Variants in RNF150 observed in about 807,000 individuals in gnomAD.
RNF150 encodes ring finger protein 150.
RNF150 carries 24 observed loss-of-function variants against 39.3 expected under a neutral mutation model. The ratio of observed to expected loss-of-function variants is 0.61; its 90% CI spans 0.44 to 0.86. The LOEUF (loss-of-function observed/expected upper bound fraction) is 0.86. Ranked by LOEUF, RNF150 falls within the 40% of genes least tolerant of loss-of-function variation. The pLI is 0.00. For missense variants in RNF150, 502 were observed against 587.8 expected (o/e 0.85, Z 1.51); for synonymous variants, 255 against 227.3 (o/e 1.12, Z -1.10).
intron 1 of RNF150, among the ~76,000 whole-genome samples, chr4:141,185,288 G>A (rs750840534): frequency 1.3e-5 from 2 of 152,000 alleles, no homozygotes; most frequent in Non-Finnish European, 2.9e-5. Context: ...TCTCTTTGTA[G>A]CAATTGTGAA....
intron 1 of RNF150, among the ~76,000 whole-genome samples, chr4:140,988,919 T>C (rs984462022): frequency 1.3e-5 from 2 of 152,064 alleles, no homozygotes; most frequent in African/African-American, 4.8e-5. Flanking sequence ...AACCAAACAC[T>C]GCATGTTCTC....
intron 6 of RNF150, 175 bp downstream of exon 6, chr4:140,910,946 ACACAGAGCCAGGTGGGCTGTCTG>A: frequency 5.0e-6 from 3 of 602,830 alleles, no homozygotes; most frequent in Non-Finnish European, 8.8e-6. Flanking sequence ...GAGCATGGGC[ACACAGAGCCAGGTGGGCTGTCTG>A]CCCTGCTGGC....
intron 1 of RNF150, among the ~76,000 whole-genome samples, chr4:140,989,219 G>C (rs1734112588): frequency 1.3e-5 from 2 of 152,068 alleles, no homozygotes. Context: ...ATCCCTGTTG[G>C]AAAATAGGAT....
chr4:141,211,030 A>T (rs1409353601), intron 1 of RNF150, among the ~76,000 whole-genome samples: 2 of 152,200 alleles, frequency 1.3e-5, no homozygotes, highest in Non-Finnish European at 2.9e-5. Flanking sequence ...TGGTAAAAGA[A>T]TCCCAAAGAC....
chr4:141,099,976 A>G (rs1456931760), intron 1 of RNF150, among the ~76,000 whole-genome samples: 2 of 152,160 alleles, frequency 1.3e-5, no homozygotes. Flanking sequence ...AAAGCTGATT[A>G]GGTTTTGATC....
At chr4:141,037,157 T>C (rs1736178634) in intron 1 of RNF150, among the ~76,000 whole-genome samples, 1 of 152,208 alleles carries the variant, frequency 6.6e-6, no homozygotes, top group Non-Finnish European at 1.5e-5. Context: ...GACACAGTAT[T>C]CTGTTTCTTT....
chr4:141,116,707 A>C (rs1325798344), intron 1 of RNF150, among the ~76,000 whole-genome samples: 4 of 152,206 alleles, frequency 2.6e-5, no homozygotes, highest in African/African-American at 9.7e-5. Flanking sequence ...TTATTTCAGC[A>C]CTATTCACAG....
chr4:140,915,999 G>C (rs1281001525), intron 5 of RNF150, among the ~76,000 whole-genome samples: 2 of 152,114 alleles, frequency 1.3e-5, no homozygotes, highest in Non-Finnish European at 2.9e-5. Flanking sequence ...ACCTTAGAAG[G>C]AAAACTAACA....
intron 6 of RNF150, among the ~76,000 whole-genome samples, chr4:140,869,483 C>A (rs994530918): frequency 6.6e-6 from 1 of 152,146 alleles, no homozygotes; most frequent in South Asian, 2.1e-4. Context: ...CGTGTCCCTA[C>A]TGCACACTAA....
At chr4:140,905,510 C>G (rs907718127) in intron 6 of RNF150, among the ~76,000 whole-genome samples, 1 of 152,070 alleles carries the variant, frequency 6.6e-6, no homozygotes, top group Non-Finnish European at 1.5e-5. Flanking sequence ...TAATTCTTGA[C>G]CCCATCACCC....
intron 1 of RNF150, among the ~76,000 whole-genome samples, chr4:140,999,948 G>A (rs1249359982): frequency 3.1e-4 from 12 of 38,434 alleles, no homozygotes; most frequent in Admixed American, 9.1e-4. Context: ...AAAAAAAGAA[G>A]AAGAAGAAGA....
chr4:141,112,512 T>C (rs925878751), intron 1 of RNF150, among the ~76,000 whole-genome samples: 1 of 152,350 alleles, frequency 6.6e-6, no homozygotes, highest in East Asian at 1.9e-4. Flanking sequence ...TAAGAAATTC[T>C]GGGTTGAAAA....
intron 4 of RNF150, among the ~76,000 whole-genome samples, chr4:140,932,211 C>T (rs1156380104): frequency 1.3e-5 from 2 of 152,152 alleles, no homozygotes; most frequent in African/African-American, 2.4e-5. Flanking sequence ...CTATGCATAC[C>T]CGAAATGTTT....
At chr4:141,086,491 G>A (rs1400602045) in intron 1 of RNF150, among the ~76,000 whole-genome samples, 1 of 151,928 alleles carries the variant, frequency 6.6e-6, no homozygotes, top group African/African-American at 2.4e-5. Context: ...AGGCCAGCTT[G>A]CTTTTAATTA....
chr4:140,966,100 C>T (rs112575882), intron 2 of RNF150, among the ~76,000 whole-genome samples: 7,306 of 151,968 alleles, frequency 0.048, 257 homozygotes, highest in African/African-American at 0.093. Context: ...TTTGGGAGGC[C>T]GAGGTGGGAA....
rs557074009 is a variant in RNF150 at position 141,063,041 on chromosome 4, A to T, written c.484+69284T>A. On this transcript the variant is annotated intron_variant, in intron 1 of 6. Transcript: ENST00000515673. ...CTGAGCAGCATCTTTGAACAACATGACATCTAGCCAGTTGATCTTGTTCCT... is the reference window on the plus strand; with the variant it reads ...CTGAGCAGCATCTTTGAACAACATGTCATCTAGCCAGTTGATCTTGTTCCT... 3.9e-5 allele frequency among the ~76,000 whole-genome samples: 6 copies of T among 152,306 alleles called. No individual in the cohort carries two copies. In the East Asian group the frequency reaches 1.2e-3, roughly 29 times the overall value.
At chr4:140,873,911 C>T (rs1211931265) in intron 6 of RNF150, among the ~76,000 whole-genome samples, 6 of 152,138 alleles carry the variant, frequency 3.9e-5, no homozygotes, top group African/African-American at 1.4e-4. Flanking sequence ...TGGGCTCAAG[C>T]AATCCTCCTG....
chr4:141,069,858 G>A (rs1205806108), intron 1 of RNF150, among the ~76,000 whole-genome samples: 2 of 152,138 alleles, frequency 1.3e-5, no homozygotes, highest in African/African-American at 4.8e-5. Flanking sequence ...AGAGGTGTTT[G>A]TAGTATTCTC....
chr4:141,175,835 G>A (rs745458405), intron 1 of RNF150, among the ~76,000 whole-genome samples: 3 of 152,240 alleles, frequency 2.0e-5, no homozygotes, highest in Admixed American at 2.0e-4. Context: ...ACTTTTTGTT[G>A]TATACTCTTG....
Sources: gnomAD v4.1 joint callset for allele counts (sites outside exome capture counted in the v4.1 genomes callset) on GRCh38, gnomAD v4.1.1 for gene constraint, MANE v1.5 for transcripts, NCBI Gene and HGNC (gene_info 2026-07-23, HGNC 2026-07-21) for gene names.